Variants in ENTREP1 observed in about 807,000 individuals in gnomAD.
The protein encoded by ENTREP1 is Friedreich ataxia region gene X123.
At chr9:69,369,645 C>T in the ENTREP1 span, among the ~76,000 whole-genome samples, 1 of 151,418 alleles carries the variant, frequency 6.6e-6, no homozygotes, top group Non-Finnish European at 1.5e-5. Context: ...GGTTGTGCCA[C>T]CTTATACTTG....
At chr9:69,375,825 T>C in the ENTREP1 span, 4 of 1,614,068 alleles carry the variant, frequency 2.5e-6, no homozygotes, top group African/African-American at 4.0e-5. Flanking sequence ...TGAAACTCTT[T>C]CCGGTTCAGC....
the ENTREP1 span, among the ~76,000 whole-genome samples, chr9:69,350,499 T>C: frequency 6.6e-6 from 1 of 152,358 alleles, no homozygotes; most frequent in Admixed American, 6.5e-5. Flanking sequence ...AGTCTGGACT[T>C]AATTGTTTTC....
At chr9:69,336,024 T>C in the ENTREP1 span, among the ~76,000 whole-genome samples, 2 of 152,188 alleles carry the variant, frequency 1.3e-5, no homozygotes. Context: ...TAAAAAAGCT[T>C]TGAGGGCCTA....
the ENTREP1 span, among the ~76,000 whole-genome samples, chr9:69,367,730 A>AT: frequency 5.4e-4 from 28 of 51,988 alleles, no homozygotes; most frequent in East Asian, 1.9e-3. Flanking sequence ...TATATATAAA[A>AT]ATATATATAT....
chr9:69,385,786 TTA>T, the ENTREP1 span: 106,257 of 901,738 alleles, frequency 0.12, 4,185 homozygotes, highest in African/African-American at 0.28. Context: ...TTTTTTTTTT[TTA>T]AATCAGATGG....
At chr9:69,332,633 T>G in the ENTREP1 span, among the ~76,000 whole-genome samples, 1 of 152,204 alleles carries the variant, frequency 6.6e-6, no homozygotes, top group Non-Finnish European at 1.5e-5. Flanking sequence ...TTTTCTATAG[T>G]TTGTTGCTAC....
the ENTREP1 span, among the ~76,000 whole-genome samples, chr9:69,355,804 G>A: frequency 6.6e-6 from 1 of 152,180 alleles, no homozygotes; most frequent in South Asian, 2.1e-4. Context: ...TTGCCTGGGA[G>A]CTCAGCTAGG....
chr9:69,369,265 A>T, the ENTREP1 span, among the ~76,000 whole-genome samples: 8 of 152,078 alleles, frequency 5.3e-5, no homozygotes, highest in African/African-American at 1.9e-4. Flanking sequence ...AGTCTTTGGT[A>T]TTGTGAATAG....
chr9:69,391,933 T>G, the ENTREP1 span: 1 of 906,376 alleles, frequency 1.1e-6, no homozygotes, highest in Non-Finnish European at 1.7e-6. Context: ...ACCTGTTGGC[T>G]CCCGTGTCTG....
At chr9:69,385,258 A>G in the ENTREP1 span, among the ~76,000 whole-genome samples, 8 of 152,210 alleles carry the variant, frequency 5.3e-5, no homozygotes, top group East Asian at 1.5e-3. Flanking sequence ...TCGAATTACA[A>G]CTCAGGCTCA....
chr9:69,379,006 A>G, the ENTREP1 span, among the ~76,000 whole-genome samples: 1 of 152,178 alleles, frequency 6.6e-6, no homozygotes, highest in Non-Finnish European at 1.5e-5. Context: ...TCCTGGATGA[A>G]GTGAACTTAA....
At chr9:69,381,907 G>C in the ENTREP1 span, 1 of 152,140 alleles carries the variant, frequency 6.6e-6, no homozygotes, top group Non-Finnish European at 1.5e-5. Context: ...GTTGTTCTTC[G>C]GGAAGAAATT....
the ENTREP1 span, among the ~76,000 whole-genome samples, chr9:69,375,179 C>T: frequency 6.6e-6 from 1 of 152,194 alleles, no homozygotes; most frequent in East Asian, 1.9e-4. Context: ...GTGTGTGCAG[C>T]CCACATAGGC....
the ENTREP1 span, among the ~76,000 whole-genome samples, chr9:69,354,570 T>C: frequency 6.6e-6 from 1 of 152,342 alleles, no homozygotes; most frequent in South Asian, 2.1e-4. Flanking sequence ...TTGCAATTTA[T>C]TTGTTAAAGA....
At chr9:69,371,930 G>T in the ENTREP1 span, among the ~76,000 whole-genome samples, 1 of 152,186 alleles carries the variant, frequency 6.6e-6, no homozygotes, top group African/African-American at 2.4e-5. Flanking sequence ...AAATAAAATG[G>T]ATATTGCCAG....
At chr9:69,387,902 A>G in the ENTREP1 span, 233 of 1,422,754 alleles carry the variant, frequency 1.6e-4, 3 homozygotes, top group African/African-American at 2.8e-3. Context: ...CCTCTCCACC[A>G]TCTGGCTTTA....
chr9:69,337,005 CTTTTTTTTTTTTT>C, the ENTREP1 span, among the ~76,000 whole-genome samples: 8 of 56,000 alleles, frequency 1.4e-4, no homozygotes, highest in South Asian at 1.2e-3. Flanking sequence ...GCTGTTATTC[CTTTTTTTTTTTTT>C]TTTTTTTTTT....
the ENTREP1 span, among the ~76,000 whole-genome samples, chr9:69,374,711 CA>C: frequency 6.6e-6 from 1 of 152,100 alleles, no homozygotes; most frequent in African/African-American, 2.4e-5. Context: ...TGAAAGGTGA[CA>C]GGGGGAAGAC....
the ENTREP1 span, among the ~76,000 whole-genome samples, chr9:69,364,375 G>A: frequency 4.2e-5 from 5 of 119,802 alleles, no homozygotes; most frequent in Non-Finnish European, 6.9e-5. Context: ...GAGAAACTCC[G>A]ATCCCCTGCA....
Sources: allele counts gnomAD v4.1 joint callset (sites outside exome capture counted in the v4.1 genomes callset), GRCh38; gene constraint gnomAD v4.1.1; transcripts MANE v1.5; gene names NCBI Gene and HGNC (gene_info 2026-07-23, HGNC 2026-07-21).